TRIM13: variants seen among roughly 807,000 people sequenced by gnomAD.
TRIM13 encodes the protein tripartite motif containing 13.
Under a neutral mutation model 27.1 loss-of-function variants are expected in TRIM13, and 15 were observed. That is an observed-to-expected ratio of 0.55 (90% CI 0.37 to 0.85). The LOEUF is 0.85. TRIM13 is among the 40% of genes least tolerant of loss of function. TRIM13 has a pLI of 0.00. For synonymous variants in TRIM13, 193 were observed against 171.5 expected (o/e 1.13, Z -0.98); for missense variants, 402 against 472.2 (o/e 0.85, Z 1.38).
chr13:50,015,091 AAAAATATATATATATATATATAT>A lies in TRIM13; in HGVS notation c.*1929_*1951del, dbSNP rs1329652943. On this transcript the variant is annotated 3_prime_UTR_variant, in exon 2 of 2. Coordinates refer to ENST00000378182, the MANE Select transcript of TRIM13 (RefSeq NM_213590.3). ...TCCCAGTAATAAAAAAAAAAAAAAA[AAAAATATATATATATATATATAT>A]ATATATATATATATATATATATATA... 1.0e-3 allele frequency: 30 copies of A among 29,066 alleles called. 2 individuals are homozygous for A. Among genetic ancestry groups the A allele is most frequent in the African/African-American group, 3.3e-3 (23 of 7,072 alleles). 1.8% of individuals were successfully genotyped at this position (29,066 alleles called of 1,614,324 possible).
chr13:50,000,876 G>A (rs1182356432), intron 1 of TRIM13: 2 of 152,168 alleles, frequency 1.3e-5, no homozygotes, highest in Admixed American at 1.3e-4. Context: ...TTTAACATGA[G>A]ACCTATCCTC....
chr13:49,997,826 T>C (rs1873422093), intron 1 of TRIM13, 63 bp downstream of exon 1: 1 of 151,978 alleles, frequency 6.6e-6, no homozygotes, highest in Non-Finnish European at 1.5e-5. Context: ...CAATAGGCCC[T>C]AGAACCTTCC....
intron 1 of TRIM13, among the ~76,000 whole-genome samples, chr13:50,006,892 A>G (rs1164441704): frequency 6.6e-6 from 1 of 152,158 alleles, no homozygotes. Flanking sequence ...CTATAAAACC[A>G]TAAACTGGCT....
At chr13:49,999,485 C>G (rs1407726022) in intron 1 of TRIM13, among the ~76,000 whole-genome samples, 1 of 152,138 alleles carries the variant, frequency 6.6e-6, no homozygotes, top group Non-Finnish European at 1.5e-5. Flanking sequence ...GAGACAACCA[C>G]GGGTGTATCC....
At position 50,012,683 on chromosome 13, in the gene TRIM13, T is replaced by C. The variant is rs1338639143; in HGVS notation, c.743T>C (p.Phe248Ser). ...AFKDVSEPIV[F>S]LQQMQEFREK... ...AAAGATGTGTCAGAACCCATTGTAT[T>C]TCTGCAACAGATGCAGGAGTTTAGA... The change falls in exon 2 of 2, where the codon TTT becomes TCT. Residue 248 changes from phenylalanine to serine, a missense_variant. This residue lies in a region of TRIM13 where 200 missense variants were observed against 194.7 expected (regional missense o/e 1.03). Transcript: ENST00000378182. 1.9e-6 allele frequency: 3 copies of C among 1,614,128 alleles called. No individual in the cohort carries two copies. The highest frequency in any genetic ancestry group is 2.5e-6 in the Non-Finnish European group (3 of 1,180,018).
intron 1 of TRIM13, among the ~76,000 whole-genome samples, chr13:50,006,469 G>T (rs1270976362): frequency 1.3e-5 from 2 of 152,086 alleles, no homozygotes; most frequent in Non-Finnish European, 2.9e-5. Flanking sequence ...AGTAAATTAG[G>T]TTTCTTTTAT....
At position 50,012,162 on chromosome 13, in the gene TRIM13, C is replaced by T. The variant is rs924079948; in HGVS notation, c.222C>T (p.Ser74=). ...TGINSLQVNY[S]LKGIVEKYNK... ...TTAATAGCCTGCAGGTTAATTACTC[C>T]CTGAAGGGTATTGTGGAAAAGTATA... The change falls in exon 2 of 2, where the codon TCC becomes TCT. Residue 74 remains serine (S), a synonymous_variant. Transcript: ENST00000378182. 1.9e-6 allele frequency: 3 copies of T among 1,613,920 alleles called. No individual in the cohort carries two copies. In the African/African-American group the frequency reaches 4.0e-5, roughly 22 times the overall value.
rs1876489747 is a variant in TRIM13, at chr13:50,015,926, GAAC to G, written c.*2766_*2768del. ...AACAGGGAGGATTACAGTGTTTACA[GAAC>G]AACCTTCAGCGCCGACCTGGAATGG... On this transcript the variant is annotated 3_prime_UTR_variant, in exon 2 of 2. Coordinates refer to ENST00000378182, the MANE Select transcript of TRIM13 (RefSeq NM_213590.3). 1.9e-6 allele frequency: 3 copies of G among 1,614,094 alleles called. No homozygotes were observed. Among genetic ancestry groups the G allele is most frequent in the Non-Finnish European group, 2.5e-6 (3 of 1,179,982 alleles).
chr13:50,015,133 A>AGT lies in TRIM13; in HGVS notation c.*1969_*1970insGT, dbSNP rs1876357685. 1.1e-5 allele frequency: 1 copy of AGT among 89,582 alleles called. No homozygotes were observed. Among genetic ancestry groups the AGT allele is most frequent in the Non-Finnish European group, 2.2e-5 (1 of 44,844 alleles). 5.5% of individuals were successfully genotyped at this position (89,582 alleles called of 1,614,324 possible). On this transcript the variant is annotated 3_prime_UTR_variant, in exon 2 of 2. Transcript: ENST00000378182. Reference sequence around the variant, plus strand: ...TATATATATATATATATATATATATATATATATATATATATATAGTTTTAC... The same window carrying AGT: ...TATATATATATATATATATATATATAGTTATATATATATATATATAGTTTTAC...
At chr13:50,009,508 G>A (rs914006137) in intron 1 of TRIM13, among the ~76,000 whole-genome samples, 4 of 152,000 alleles carry the variant, frequency 2.6e-5, no homozygotes, top group South Asian at 2.1e-4. Context: ...AGGCTGAGGC[G>A]GATGGATCAC....
intron 1 of TRIM13, among the ~76,000 whole-genome samples, chr13:50,007,131 C>G (rs867375261): frequency 1.3e-5 from 2 of 149,790 alleles, no homozygotes; most frequent in Non-Finnish European, 3.0e-5. Context: ...TGCAGTGAGC[C>G]GAGATTGTGC....
Position 50,013,089 on chromosome 13 carries a change from T to TGAAA in TRIM13, c.1152_1155dup (p.Phe386LysfsTer21). 6.2e-7 allele frequency: 1 copy of TGAAA among 1,612,968 alleles called. No homozygotes were observed. The highest frequency in any genetic ancestry group is 1.3e-5 in the African/African-American group (1 of 74,968). On this transcript the variant is annotated frameshift_variant, in exon 2 of 2. Coordinates refer to ENST00000378182, the MANE Select transcript of TRIM13 (RefSeq NM_213590.3). LOFTEE classifies it high-confidence loss of function. Reference sequence around the variant, plus strand: ...TGACAGATGGGTTTTTCATTTTCAATGAAAGATTCAAGAATTTTACTTTGG... The same window carrying TGAAA: ...TGACAGATGGGTTTTTCATTTTCAATGAAAGAAAGATTCAAGAATTTTACTTTGG...
chr13:50,006,671 T>C (rs781508939), intron 1 of TRIM13, among the ~76,000 whole-genome samples: 3 of 152,158 alleles, frequency 2.0e-5, no homozygotes, highest in Non-Finnish European at 4.4e-5. Context: ...TGGTAATCTC[T>C]TTCAGAAGAC....
In TRIM13 at chr13:50,015,829, A is replaced by G. The variant is rs765481496; in HGVS notation, c.*2665A>G. 1 of 1,614,056 alleles carries G rather than the reference A, an allele frequency of 6.2e-7. No homozygotes were observed. Among genetic ancestry groups the G allele is most frequent in the Non-Finnish European group, 8.5e-7 (1 of 1,180,000 alleles). ...AGCCAAGACCTGCTCTTGTGGAGGT[A>G]CATTTCCTAAGCCGGAACACTCAAG... On this transcript the variant is annotated 3_prime_UTR_variant, in exon 2 of 2. Transcript: ENST00000378182.
At position 50,012,440 on chromosome 13, in the gene TRIM13, G is replaced by A. The variant is rs1875774452; in HGVS notation, c.500G>A (p.Ser167Asn). Residue 167 changes from serine (S) to asparagine (N), a missense_variant, in exon 2 of 2, where the codon AGT becomes AAT. By Grantham distance (46) the Ser-to-Asn change is conservative. This residue lies in a region of TRIM13 where 202 missense variants were observed against 277.5 expected (regional missense o/e 0.73). Coordinates refer to ENST00000378182, the MANE Select transcript of TRIM13 (RefSeq NM_213590.3). ...ALSRLDTLET[S>N]KRKSLQLLTK... ...TCTCGCTTGGATACCTTGGAAACTA[G>A]TAAGAGGAAATCCCTACAGTTACTG... 1.2e-6 allele frequency: 2 copies of A among 1,614,026 alleles called. No individual in the cohort carries two copies. The highest frequency in any genetic ancestry group is 8.5e-7 in the Non-Finnish European group (1 of 1,179,950).
chr13:50,007,228 C>T (rs1329097984), intron 1 of TRIM13, among the ~76,000 whole-genome samples: 14 of 150,204 alleles, frequency 9.3e-5, no homozygotes, highest in Non-Finnish European at 1.3e-4. Context: ...TGGTGGCTCA[C>T]GCCTATAATC....
rs910464456 is a variant in TRIM13 at position 50,016,450 on chromosome 13, T to A, written c.*3286T>A. 72 of 206,386 alleles carry A rather than the reference T, an allele frequency of 3.5e-4. No homozygotes were observed. Among genetic ancestry groups the A allele is most frequent in the African/African-American group, 1.7e-3 (72 of 42,224 alleles). 12.8% of individuals were successfully genotyped at this position (206,386 alleles called of 1,614,324 possible). ...GTGGTTCACATAAAGGCTCGCTCACTGGTTTCTCTTGAGTTCCTTACACAC... is the reference window on the plus strand; with the variant it reads ...GTGGTTCACATAAAGGCTCGCTCACAGGTTTCTCTTGAGTTCCTTACACAC... On this transcript the variant is annotated 3_prime_UTR_variant, in exon 2 of 2. Transcript: ENST00000378182.
At chr13:50,001,291 C>CAAAAAA (rs35933096) in intron 1 of TRIM13, among the ~76,000 whole-genome samples, 3 of 91,454 alleles carry the variant, frequency 3.3e-5, no homozygotes, top group Admixed American at 2.5e-4. Flanking sequence ...AACTCTGTCC[C>CAAAAAA]AAAAAAAAAA....
chr13:50,007,313 AC>A (rs1566436699), intron 1 of TRIM13, among the ~76,000 whole-genome samples: 1 of 150,438 alleles, frequency 6.6e-6, no homozygotes, highest in Non-Finnish European at 1.5e-5. Context: ...AGATGGTGAA[AC>A]CCCGTGTCTA....
Sources: gnomAD v4.1 joint callset for allele counts (sites outside exome capture counted in the v4.1 genomes callset) on GRCh38, gnomAD v4.1.1 for gene constraint, gnomAD v4.1.1 regional missense constraint, MANE v1.5 for transcripts, NCBI Gene and HGNC (gene_info 2026-07-23, HGNC 2026-07-21) for gene names.